The following MTHFD2 variants were observed in gnomAD, a reference collection of about 807,000 sequenced individuals.
The protein encoded by MTHFD2 is bifunctional methylenetetrahydrofolate dehydrogenase/cyclohydrolase, mitochondrial.
Under a neutral mutation model 36.8 loss-of-function variants are expected in MTHFD2, and 26 were observed. The ratio of observed to expected loss-of-function variants is 0.71; its 90% confidence interval spans 0.52 to 0.98. The LOEUF is 0.98. Among genes scored for constraint, MTHFD2 ranks in the 50% least tolerant of loss-of-function variants. The pLI, the probability that MTHFD2 is intolerant of heterozygous loss-of-function variation, is 0.00. For missense variants in MTHFD2, 373 were observed against 434.0 expected, an observed-to-expected ratio of 0.86 and a Z score of 1.25; for synonymous variants, 164 against 155.2, an observed-to-expected ratio of 1.06 and a Z score of -0.42.
At chr2:74,203,843 C>CTAGTTGTTTAGTTTAGTT (rs1553448285) in intron 1 of MTHFD2, among the ~76,000 whole-genome samples, 1 of 80,608 alleles carries the variant, frequency 1.2e-5, no homozygotes, top group South Asian at 3.9e-4. Context: ...AGATGCTCAT[C>CTAGTTGTTTAGTTTAGTT]TAGTTTAGTT....
chr2:74,214,041 CA>C (rs1242850155), intron 7 of MTHFD2, 37 bp from the exon 8 acceptor site: 1 of 1,596,936 alleles, frequency 6.3e-7, no homozygotes. Flanking sequence ...TGTCCTTTGC[CA>C]TAACTAAAGC....
intron 1 of MTHFD2, among the ~76,000 whole-genome samples, chr2:74,204,491 T>C (rs1694132481): frequency 6.6e-6 from 1 of 152,238 alleles, no homozygotes; most frequent in South Asian, 2.1e-4. Context: ...CTGCCTATTC[T>C]TTCTGTCTTT....
rs938905939 is a variant in MTHFD2, at chr2:74,205,906, G to C, written c.286+17G>C. The C allele has an allele frequency of 6.2e-7, 1 of 1,605,004 alleles. No homozygotes were observed. Among genetic ancestry groups the C allele is most frequent in the Non-Finnish European group, 8.5e-7 (1 of 1,173,260 alleles). ...CAGTTGTGGGTATGTGTCCTTCTGA[G>C]ACCTCGACTGCGGTTCAGTTGAGGT... On this transcript the variant is annotated intron_variant, in intron 2 of 7. Coordinates refer to ENST00000394053, the MANE Select transcript of MTHFD2 (RefSeq NM_006636.4).
intron 4 of MTHFD2, 62 bp downstream of exon 4, chr2:74,208,783 T>C: frequency 6.5e-7 from 1 of 1,530,910 alleles, no homozygotes; most frequent in Admixed American, 1.7e-5. Flanking sequence ...TGGCAAATGG[T>C]AAAAACTCAT....
At chr2:74,203,052 G>C (rs888537461) in intron 1 of MTHFD2, among the ~76,000 whole-genome samples, 6 of 152,064 alleles carry the variant, frequency 3.9e-5, no homozygotes. Context: ...ACAGTCTGGA[G>C]TGCAGTGGCG....
intron 6 of MTHFD2, 133 bp from the exon 7 acceptor site, chr2:74,211,608 T>G: frequency 1.2e-6 from 1 of 848,404 alleles, no homozygotes; most frequent in Non-Finnish European, 1.7e-6. Context: ...AGTTCCTTAG[T>G]TAATATTTTT....
chr2:74,212,697 A>C (rs907877808), intron 7 of MTHFD2, among the ~76,000 whole-genome samples: 2 of 152,088 alleles, frequency 1.3e-5, no homozygotes, highest in African/African-American at 4.8e-5. Flanking sequence ...TTTTCCTTAG[A>C]CTTATTTCAT....
At position 74,214,490 on chromosome 2, in the gene MTHFD2, G is replaced by C. The variant is rs1284932185; in HGVS notation, c.*248G>C. The C allele has an allele frequency of 3.7e-6, 1 of 269,046 alleles. No homozygotes were observed. The highest frequency in any genetic ancestry group is 7.1e-6 in the Non-Finnish European group (1 of 139,884). 16.7% of individuals were successfully genotyped at this position (269,046 alleles called of 1,614,324 possible). A position where few individuals can be genotyped will look rare whatever the true frequency, so the allele number is the denominator to read the frequency against. ...CAGCCATTAACCTAGTGATTAATAT[G>C]GGAGACATTACCATATGGAGGATGG... On this transcript the variant is annotated 3_prime_UTR_variant, in exon 8 of 8. Transcript: ENST00000394053.
intron 7 of MTHFD2, among the ~76,000 whole-genome samples, chr2:74,212,522 C>T (rs1033744871): frequency 4.0e-5 from 6 of 151,578 alleles, no homozygotes; most frequent in Admixed American, 1.3e-4. Context: ...CCCGTCTTGG[C>T]CTCCCAAAGT....
chr2:74,205,889 G>T lies in MTHFD2; in HGVS notation c.286G>T (p.Gly96Ter). 5 of 1,612,468 alleles carry T rather than the reference G, an allele frequency of 3.1e-6. No homozygotes were observed. Among genetic ancestry groups the T allele is most frequent in the Non-Finnish European group, 4.2e-6 (5 of 1,178,910 alleles). Residue 96 changes from glycine to a stop codon, truncating the protein, a stop_gained and splice_region_variant, in exon 2 of 8, where the codon GGA becomes TGA. Transcript: ENST00000394053. LOFTEE classifies it high-confidence loss of function. ...CAAAACCAGGGCAGCTGCAGTTGTGGGTATGTGTCCTTCTGAGACCTCGAC... is the reference window on the plus strand; with the variant it reads ...CAAAACCAGGGCAGCTGCAGTTGTGTGTATGTGTCCTTCTGAGACCTCGAC... ...LNKTRAAAVV[G>*]INSETIMKPA... is the part of the protein sequence containing the mutation.
intron 5 of MTHFD2, among the ~76,000 whole-genome samples, chr2:74,210,830 C>T (rs1694287626): frequency 7.0e-6 from 1 of 142,410 alleles, no homozygotes; most frequent in Non-Finnish European, 1.5e-5. Flanking sequence ...GCCCTGTTGC[C>T]CAGGCTAGTG....
chr2:74,208,732 C>A lies in MTHFD2; in HGVS notation c.562+11C>A. On this transcript the variant is annotated intron_variant, in intron 4 of 7. Transcript: ENST00000394053. ...TAATCAAGCGAACTGGTAGGTATAT[C>A]CCAGAATTGCATGTCTGTGTTAATA... 6.2e-7 allele frequency: 1 copy of A among 1,612,494 alleles called. No individual in the cohort carries two copies. The highest frequency in any genetic ancestry group is 8.5e-7 in the Non-Finnish European group (1 of 1,179,074).
At chr2:74,200,490 T>A (rs1468021591) in intron 1 of MTHFD2, among the ~76,000 whole-genome samples, 8 of 151,554 alleles carry the variant, frequency 5.3e-5, no homozygotes, top group Admixed American at 2.0e-4. Context: ...TGTTTATTTT[T>A]AAATACTGCT....
intron 7 of MTHFD2, among the ~76,000 whole-genome samples, chr2:74,213,679 G>T (rs920780036): frequency 6.6e-6 from 1 of 151,832 alleles, no homozygotes; most frequent in African/African-American, 2.4e-5. Context: ...TTTAACATTA[G>T]GTTAATTTTT....
intron 1 of MTHFD2, among the ~76,000 whole-genome samples, chr2:74,200,536 GTC>G (rs1356340274): frequency 6.6e-6 from 1 of 151,008 alleles, no homozygotes; most frequent in Non-Finnish European, 1.5e-5. Context: ...AAAAATATGA[GTC>G]TGCATTCTTT....
At chr2:74,210,847 C>G (rs1694287776) in intron 5 of MTHFD2, among the ~76,000 whole-genome samples, 1 of 142,498 alleles carries the variant, frequency 7.0e-6, no homozygotes, top group African/African-American at 2.7e-5. Flanking sequence ...AGTGCAGTGG[C>G]ACAATCTTGG....
chr2:74,214,297 C>A lies in MTHFD2; in HGVS notation c.*55C>A. On this transcript the variant is annotated 3_prime_UTR_variant, in exon 8 of 8. Coordinates refer to ENST00000394053, the MANE Select transcript of MTHFD2 (RefSeq NM_006636.4). The stretch of plus-strand genomic sequence containing the variant: ...CTCCAGGCCAGCTCAAGAAGCAAAG[C>A]AGGCCAATAGAAATGCAATATTTTT... 1 of 1,558,182 alleles carries A rather than the reference C, an allele frequency of 6.4e-7. No individual in the cohort carries two copies. Among genetic ancestry groups the A allele is most frequent in the Non-Finnish European group, 8.7e-7 (1 of 1,145,862 alleles).
chr2:74,199,386 T>A (rs1009352051), intron 1 of MTHFD2, among the ~76,000 whole-genome samples: 1 of 151,978 alleles, frequency 6.6e-6, no homozygotes, highest in South Asian at 2.1e-4. Flanking sequence ...TACATAGAGG[T>A]GGCAAACATC....
rs1694414932 is a variant in MTHFD2, at chr2:74,215,388, T to A, written c.*1146T>A. The A allele has an allele frequency of 6.6e-6, 1 of 152,084 alleles. No individual in the cohort carries two copies. Among genetic ancestry groups the A allele is most frequent in the African/African-American group, 2.4e-5 (1 of 41,406 alleles). 9.4% of individuals were successfully genotyped at this position (152,084 alleles called of 1,614,324 possible). ...TATTCCTATATTCAGTAACACTTACTTCTATAGCCTTAAATAGATAATTTT... is the reference window on the plus strand; with the variant it reads ...TATTCCTATATTCAGTAACACTTACATCTATAGCCTTAAATAGATAATTTT... On this transcript the variant is annotated 3_prime_UTR_variant, in exon 8 of 8. Transcript: ENST00000394053.
Sources: allele counts gnomAD v4.1 joint callset (sites outside exome capture counted in the v4.1 genomes callset), GRCh38; gene constraint gnomAD v4.1.1; transcripts MANE v1.5; gene names NCBI Gene and HGNC (gene_info 2026-07-23, HGNC 2026-07-21).